Variants in UBIAD1 observed in about 807,000 individuals in gnomAD.
UBIAD1 encodes the protein UbiA prenyltransferase domain containing 1.
A neutral mutation model predicts 20.1 loss-of-function variants in UBIAD1; 12 were observed. The observed-to-expected ratio is 0.60, with a 90% confidence interval of 0.38 to 0.97. The LOEUF (loss-of-function observed/expected upper bound fraction) is 0.97. UBIAD1 is among the 50% of genes least tolerant of loss of function. UBIAD1 has a pLI of 0.00. For missense variants in UBIAD1, 333 were observed against 419.5 expected (o/e 0.79, Z 1.80); for synonymous variants, 207 against 189.2 (o/e 1.09, Z -0.77).
At chr1:11,294,764 A>AG in intron 1 of UBIAD1, 2 of 715,816 alleles carry the variant, frequency 2.8e-6, no homozygotes, top group South Asian at 3.0e-5. Context: ...CAGATAATGG[A>AG]GAGTGGCTCC....
chr1:11,294,139 A>T (rs1219402752), intron 1 of UBIAD1, among the ~76,000 whole-genome samples: 1 of 152,220 alleles, frequency 6.6e-6, no homozygotes, highest in Admixed American at 6.5e-5. Flanking sequence ...GCTTAAATAC[A>T]TTCTTTTAGT....
chr1:11,292,902 T>G (rs904471915), downstream of UBIAD1, among the ~76,000 whole-genome samples: 3 of 152,092 alleles, frequency 2.0e-5, no homozygotes, highest in African/African-American at 7.2e-5. Context: ...CAGTTGACAT[T>G]TGTGACCTGC....
chr1:11,288,754 T>C (rs1638313921), downstream of UBIAD1, among the ~76,000 whole-genome samples: 1 of 151,980 alleles, frequency 6.6e-6, no homozygotes, highest in Admixed American at 6.6e-5. Flanking sequence ...CAAAAAAAAT[T>C]TTAAAAAGTT....
At chr1:11,278,717 T>A (rs1298594285) in intron 1 of UBIAD1, 1 of 1,001,552 alleles carries the variant, frequency 1.0e-6, no homozygotes, top group East Asian at 2.8e-5. Context: ...GCTATATGAA[T>A]TTTGTCATTT....
chr1:11,298,984 G>A (rs1638490448), downstream of UBIAD1, among the ~76,000 whole-genome samples: 1 of 152,236 alleles, frequency 6.6e-6, no homozygotes, highest in Non-Finnish European at 1.5e-5. The surrounding 1 kb of genome is among the most constrained non-coding windows in gnomAD (Gnocchi z 4.0). Context: ...ACAGGGAGGG[G>A]ATGGTGAGGA....
chr1:11,277,816 G>A (rs1652103161), intron 1 of UBIAD1, among the ~76,000 whole-genome samples: 2 of 151,918 alleles, frequency 1.3e-5, no homozygotes, highest in Admixed American at 1.3e-4. Flanking sequence ...TGCTAATTTT[G>A]TATTTTTAGT....
At position 11,273,554 on chromosome 1, in the gene UBIAD1, G is replaced by T; in HGVS notation, c.23G>T (p.Gly8Val). The T allele has an allele frequency of 6.2e-7, 1 of 1,612,904 alleles. No homozygotes were observed. The highest frequency in any genetic ancestry group is 8.5e-7 in the Non-Finnish European group (1 of 1,180,034). Residue 8 changes from glycine (G) to valine (V), a missense_variant, in exon 1 of 2, where the codon GGG (glycine) becomes GTG (valine). Physicochemically the swap from Gly to Val is moderately radical, Grantham distance 109 (BLOSUM62 -3). Transcript: ENST00000376810. The surrounding 1 kb of genome is among the most constrained non-coding windows in gnomAD (Gnocchi z 4.9). ...TCCATGGCGGCCTCTCAGGTCCTGG[G>T]GGAGAAGATTAACATCCTGTCGGGA... is the stretch of plus-strand genomic sequence containing the variant. MAASQVL[G>V]EKINILSGET...
At position 11,285,813 on chromosome 1, in the gene UBIAD1, C is replaced by T. The variant is rs770506513; in HGVS notation, c.699C>T (p.Asn233=). 11 of 1,614,112 alleles carry T rather than the reference C, an allele frequency of 6.8e-6. 1 individual carries two copies. Among genetic ancestry groups the T allele is most frequent in the East Asian group, 4.5e-5 (2 of 44,896 alleles). The change falls in exon 2 of 2, where the codon AAC becomes AAT. Residue 233 remains asparagine, a synonymous_variant. Coordinates refer to ENST00000376810, the MANE Select transcript of UBIAD1 (RefSeq NM_013319.3). The surrounding 1 kb of genome is among the most constrained non-coding windows in gnomAD (Gnocchi z 4.4). ...LSTEAILHSN[N]TRDMESDREA... ...CCGAGGCCATTCTCCATTCCAACAA[C>T]ACCAGGGACATGGAGTCCGACCGGG...
At chr1:11,294,035 T>G (rs957503205) in intron 1 of UBIAD1, among the ~76,000 whole-genome samples, 1 of 152,220 alleles carries the variant, frequency 6.6e-6, no homozygotes, top group Non-Finnish European at 1.5e-5. Context: ...TAGAAGTCTC[T>G]AAATAAATAA....
chr1:11,296,055 A>G (rs1638442415), downstream of UBIAD1: 1 of 152,214 alleles, frequency 6.6e-6, no homozygotes, highest in Non-Finnish European at 1.5e-5. Context: ...ACTGCGATCA[A>G]TTCACTATCT....
chr1:11,290,758 C>T (rs919136018), downstream of UBIAD1, among the ~76,000 whole-genome samples: 5 of 152,156 alleles, frequency 3.3e-5, no homozygotes, highest in Admixed American at 6.6e-5. Flanking sequence ...ATGGGTGGAT[C>T]ACTTGAGGTC....
At chr1:11,278,565 C>G (rs1012619509) in intron 1 of UBIAD1, 5 of 1,145,570 alleles carry the variant, frequency 4.4e-6, no homozygotes, top group Non-Finnish European at 5.8e-6. Flanking sequence ...GACATTAACA[C>G]GAGTAGAAGG....
chr1:11,273,642 C>T lies in UBIAD1; in HGVS notation c.111C>T (p.Leu37=). The change falls in exon 1 of 2, where the codon CTC becomes CTT. Residue 37 remains leucine, a synonymous_variant. Coordinates refer to ENST00000376810, the MANE Select transcript of UBIAD1 (RefSeq NM_013319.3). The surrounding 1 kb of genome is among the most constrained non-coding windows in gnomAD (Gnocchi z 4.9). ...LGNDCPEQDR[L]PQRSWRQKCA... is the part of the protein sequence containing the mutation. Reference sequence around the variant, plus strand: ...ACGACTGTCCCGAGCAAGATAGGCTCCCCCAGCGCTCCTGGAGGCAGAAGT... The same window carrying T: ...ACGACTGTCCCGAGCAAGATAGGCTTCCCCAGCGCTCCTGGAGGCAGAAGT... 6.2e-7 allele frequency: 1 copy of T among 1,614,088 alleles called. No homozygotes were observed. The highest frequency in any genetic ancestry group is 8.5e-7 in the Non-Finnish European group (1 of 1,180,034).
At chr1:11,278,139 G>A (rs1378798195) in intron 1 of UBIAD1, among the ~76,000 whole-genome samples, 1 of 151,978 alleles carries the variant, frequency 6.6e-6, no homozygotes, top group Non-Finnish European at 1.5e-5. Flanking sequence ...TGGATTTTTT[G>A]TAGGGACGGA....
chr1:11,289,834 G>A (rs928218925), downstream of UBIAD1, among the ~76,000 whole-genome samples: 6 of 151,886 alleles, frequency 4.0e-5, no homozygotes, highest in Admixed American at 6.6e-5. Flanking sequence ...GGGTTCAAGC[G>A]ATTCTCCCAC....
intron 1 of UBIAD1, among the ~76,000 whole-genome samples, chr1:11,276,783 CA>C (rs1652047131): frequency 1.3e-5 from 2 of 150,688 alleles, no homozygotes; most frequent in South Asian, 4.2e-4. Context: ...AAACTGTAAG[CA>C]AATATTTACC....
chr1:11,274,703 G>A (rs929959747), intron 1 of UBIAD1, among the ~76,000 whole-genome samples: 5 of 151,692 alleles, frequency 3.3e-5, no homozygotes, highest in Middle Eastern at 3.2e-3. Flanking sequence ...TCTGTCTCCC[G>A]GCTTCAAGCG....
chr1:11,289,492 G>A (rs1227667757), downstream of UBIAD1, among the ~76,000 whole-genome samples: 1 of 152,176 alleles, frequency 6.6e-6, no homozygotes, highest in Non-Finnish European at 1.5e-5. Flanking sequence ...GAGCCATGAT[G>A]TGACAGCCAT....
At chr1:11,294,907 C>G (rs773534116) in exon 2 of UBIAD1, 10 of 717,510 alleles carry the variant, frequency 1.4e-5, no homozygotes, top group South Asian at 1.3e-4. Context: ...GTGCCCACAT[C>G]AGGAGCAGCC....
Sources: gnomAD v4.1 joint callset for allele counts (sites outside exome capture counted in the v4.1 genomes callset) on GRCh38, gnomAD v4.1.1 for gene constraint, Gnocchi (gnomAD v3.1) non-coding constraint, MANE v1.5 for transcripts, NCBI Gene and HGNC (gene_info 2026-07-23, HGNC 2026-07-21) for gene names.